SEMA5A: variants seen among roughly 807,000 people sequenced by gnomAD.
SEMA5A encodes the protein semaphorin-5A.
A neutral mutation model predicts 135.5 loss-of-function variants in SEMA5A; 55 were observed. That is an observed-to-expected ratio of 0.41 (90% CI 0.33 to 0.51). The LOEUF (loss-of-function observed/expected upper bound fraction) is 0.51, where lower values mean the gene tolerates loss of function less well. SEMA5A is among the 20% of genes least tolerant of loss of function. SEMA5A has a pLI of 0.37. For missense variants in SEMA5A, 1,290 were observed against 1,419.9 expected (o/e 0.91, Z 1.47); for synonymous variants, 580 against 546.5 (o/e 1.06, Z -0.85).
rs570243480 is a variant in SEMA5A, at chr5:9,309,107, G to T, written c.270+9265C>A. Among the ~76,000 whole-genome samples the T allele has an allele frequency of 2.9e-4, 44 of 152,274 alleles. No individual in the cohort carries two copies. The South Asian group carries it at 4.4e-3, about 15-fold the overall frequency. ...ATATTAAAAATTTAATCCTGGCAGA[G>T]AATTCAGGGATAAATCCAGTGTACT... is the stretch of plus-strand genomic sequence containing the variant. On this transcript the variant is annotated intron_variant, in intron 5 of 22. Coordinates refer to ENST00000382496, the MANE Select transcript of SEMA5A (RefSeq NM_003966.3).
intron 16 of SEMA5A, among the ~76,000 whole-genome samples, chr5:9,088,770 C>A (rs1032870452): frequency 6.6e-6 from 1 of 151,552 alleles, no homozygotes; most frequent in Non-Finnish European, 1.5e-5. Context: ...AGGCACTGGG[C>A]TAATTAGTAT....
intron 11 of SEMA5A, among the ~76,000 whole-genome samples, chr5:9,158,301 G>C (rs1806097): frequency 0.55 from 83,756 of 151,860 alleles, 25,814 homozygotes; most frequent in Middle Eastern, 0.77. Flanking sequence ...TTCAACCCAA[G>C]ATGTCATAAA....
chr5:9,376,411 A>C (rs1020625228), intron 3 of SEMA5A, among the ~76,000 whole-genome samples: 1 of 152,132 alleles, frequency 6.6e-6, no homozygotes, highest in African/African-American at 2.4e-5. Context: ...AACACCTTCT[A>C]ACAATCACTT....
rs1579625172 is a variant in SEMA5A, at chr5:9,212,358, C to T, written c.647-10118G>A. 2.0e-5 allele frequency among the ~76,000 whole-genome samples: 3 copies of T among 152,152 alleles called. No individual in the cohort carries two copies. The South Asian group carries it at 6.2e-4, about 32-fold the overall frequency. ...GTTATTAACGATTAATATTTTAATG[C>T]ATTAAAGCTGTTAAGGTATTTCTCT... is the stretch of plus-strand genomic sequence containing the variant. On this transcript the variant is annotated intron_variant, in intron 8 of 22. Coordinates refer to ENST00000382496, the MANE Select transcript of SEMA5A (RefSeq NM_003966.3).
In SEMA5A at chr5:9,038,944, G is replaced by T. The variant is rs1009012716; in HGVS notation, c.*3953C>A. 1.3e-5 allele frequency: 2 copies of T among 152,282 alleles called. No individual in the cohort carries two copies. Among genetic ancestry groups the T allele is most frequent in the African/African-American group, 4.8e-5 (2 of 41,422 alleles). The allele number at this position is 152,282 out of a possible 1,614,324, so 9.4% of individuals were successfully genotyped here. Reference sequence around the variant, plus strand: ...GAGTTTCCCCATGTTGCCCAGGCTGGTCTCAAACTCCTGAGCTCAGGTGAT... The same window carrying T: ...GAGTTTCCCCATGTTGCCCAGGCTGTTCTCAAACTCCTGAGCTCAGGTGAT... On this transcript the variant is annotated 3_prime_UTR_variant, in exon 23 of 23. Coordinates refer to ENST00000382496, the MANE Select transcript of SEMA5A (RefSeq NM_003966.3).
rs977989141 is a variant in SEMA5A at position 9,339,519 on chromosome 5, A to G, written c.125-1707T>C. Among the ~76,000 whole-genome samples, 20 of 152,350 alleles carry G rather than the reference A, an allele frequency of 1.3e-4. No homozygotes were observed. The Middle Eastern group carries it at 0.01, about 78-fold the overall frequency. ...GTGCATGCAGCATACAAAACAGCAC[A>G]TTGAATGCGATAGGAAATAATAAAT... On this transcript the variant is annotated intron_variant, in intron 3 of 22. Coordinates refer to ENST00000382496, the MANE Select transcript of SEMA5A (RefSeq NM_003966.3).
At chr5:9,108,374 G>A (rs963470108) in intron 15 of SEMA5A, 87 bp from the exon 16 acceptor site, 2 of 1,485,290 alleles carry the variant, frequency 1.3e-6, no homozygotes, top group Admixed American at 3.5e-5. Flanking sequence ...TGCACCAGAT[G>A]TTGAACACAT....
chr5:9,450,853 G>T (rs1471383059), intron 1 of SEMA5A, among the ~76,000 whole-genome samples: 1 of 152,060 alleles, frequency 6.6e-6, no homozygotes, highest in Non-Finnish European at 1.5e-5. Context: ...TTCAAAATGT[G>T]TGTTTTAATC....
intron 3 of SEMA5A, among the ~76,000 whole-genome samples, chr5:9,375,679 G>A (rs973597085): frequency 2.7e-5 from 4 of 150,434 alleles, no homozygotes; most frequent in Admixed American, 6.7e-5. Context: ...AGAAAGTGAC[G>A]AATTGTCCTG....
intron 11 of SEMA5A, among the ~76,000 whole-genome samples, chr5:9,175,680 C>A (rs1201826770): frequency 6.6e-6 from 1 of 152,172 alleles, no homozygotes; most frequent in African/African-American, 2.4e-5. Flanking sequence ...GGAAGCACTT[C>A]AGCCAGGTCT....
At chr5:9,223,796 C>T (rs1021405121) in intron 8 of SEMA5A, among the ~76,000 whole-genome samples, 46 of 152,260 alleles carry the variant, frequency 3.0e-4, no homozygotes, top group African/African-American at 1.1e-3. Flanking sequence ...CACATGAATG[C>T]ACAGATATAC....
chr5:9,224,006 T>A (rs1446643199), intron 8 of SEMA5A, among the ~76,000 whole-genome samples: 1 of 152,114 alleles, frequency 6.6e-6, no homozygotes, highest in Admixed American at 6.5e-5. Flanking sequence ...TGGCTCTTCT[T>A]CGAGTGGATG....
chr5:9,197,746 G>A (rs12520921), intron 9 of SEMA5A, among the ~76,000 whole-genome samples: 4 of 62,408 alleles, frequency 6.4e-5, no homozygotes, highest in Non-Finnish European at 9.4e-5. Context: ...GTGTGTGTGT[G>A]TGTGTGTGTG....
intron 3 of SEMA5A, among the ~76,000 whole-genome samples, chr5:9,354,586 C>T (rs896478317): frequency 1.3e-5 from 2 of 152,168 alleles, no homozygotes; most frequent in Non-Finnish European, 2.9e-5. Flanking sequence ...GGGCAGCAAA[C>T]GTGTACCTAC....
chr5:9,521,194 G>A (rs1245452878), intron 1 of SEMA5A, among the ~76,000 whole-genome samples: 5 of 152,286 alleles, frequency 3.3e-5, no homozygotes, highest in Non-Finnish European at 7.3e-5. Context: ...CAGATCATTT[G>A]AGGTCAGGAG....
chr5:9,120,078 G>GT lies in SEMA5A; in HGVS notation c.1782-938dup, dbSNP rs540926989. On this transcript the variant is annotated intron_variant, in intron 14 of 22. Transcript: ENST00000382496. ...GCTCCTGCTATTAAAAAATACATAG[G>GT]TTTTTTTTTAAAATTTTATGTGTTA... 7.7e-3 allele frequency among the ~76,000 whole-genome samples: 1,171 copies of GT among 151,264 alleles called. 5 individuals carry two copies. Among genetic ancestry groups the GT allele is most frequent in the South Asian group, 0.021 (99 of 4,784 alleles).
chr5:9,123,258 C>CAAAAAAAAAA lies in SEMA5A; in HGVS notation c.1600-431_1600-422dup, dbSNP rs57533658. 4.1e-3 allele frequency among the ~76,000 whole-genome samples: 160 copies of CAAAAAAAAAA among 38,944 alleles called. 39 individuals carry two copies. Among genetic ancestry groups the CAAAAAAAAAA allele is most frequent in the Non-Finnish European group, 7.8e-3 (124 of 15,802 alleles). 25.5% of individuals were successfully genotyped at this position (38,944 alleles called of 152,430 possible). The stretch of plus-strand genomic sequence containing the variant: ...TGAGGGAAGGAGCGAGACTCCGCCT[C>CAAAAAAAAAA]AAAAAAAAAAAAAAAAAAAAAAAAA... On this transcript the variant is annotated intron_variant, in intron 13 of 22. Coordinates refer to ENST00000382496, the MANE Select transcript of SEMA5A (RefSeq NM_003966.3).
chr5:9,054,266 A>C lies in SEMA5A; in HGVS notation c.2519-9T>G. The C allele has an allele frequency of 2.5e-6, 4 of 1,610,586 alleles. No individual in the cohort carries two copies. The highest frequency in any genetic ancestry group is 3.4e-6 in the Non-Finnish European group (4 of 1,178,428). ...AGACCACACGCCATCCACTGTGAAG[A>C]AACACAATGTCACAGCTCTTCTATA... On this transcript the variant is annotated splice_polypyrimidine_tract_variant and intron_variant, in intron 18 of 22. Transcript: ENST00000382496.
Position 9,066,469 on chromosome 5 carries a change from C to T in SEMA5A, c.2251G>A (p.Glu751Lys), listed in dbSNP as rs868269067. The T allele has an allele frequency of 2.5e-6, 4 of 1,614,092 alleles. No individual in the cohort carries two copies. Among genetic ancestry groups the T allele is most frequent in the Admixed American group, 1.7e-5 (1 of 60,010 alleles). ...NLLEVGRQRI[E>K]MRYCSSDGTS... ...CCGTCGCTAGAACAGTACCGCATTT[C>T]GATTCTCTGTCTTCCCACTTCCAGC... Residue 751 changes from glutamate (E) to lysine (K), a missense_variant, in exon 17 of 23, where the codon GAA (glutamate) becomes AAA (lysine). Coordinates refer to ENST00000382496, the MANE Select transcript of SEMA5A (RefSeq NM_003966.3).
Sources: allele counts gnomAD v4.1 joint callset (sites outside exome capture counted in the v4.1 genomes callset), GRCh38; gene constraint gnomAD v4.1.1; transcripts MANE v1.5; gene names NCBI Gene and HGNC (gene_info 2026-07-23, HGNC 2026-07-21).